The following AGAP1 variants were observed in gnomAD, a reference collection of about 807,000 sequenced individuals.
AGAP1 encodes the protein arf-GAP with GTPase, ANK repeat and PH domain-containing protein 1.
A neutral mutation model predicts 105.3 loss-of-function variants in AGAP1; 29 were observed. That is an observed-to-expected ratio of 0.28 (90% CI 0.21 to 0.38). The LOEUF is 0.38. Among genes scored for constraint, AGAP1 ranks in the 10% least tolerant of loss-of-function variants. The probability of loss-of-function intolerance (pLI) is 1.00; values close to 1 mark genes in which losing one functional copy is unlikely to be tolerated. For synonymous variants in AGAP1, 509 were observed against 485.9 expected, an observed-to-expected ratio of 1.05 and a Z score of -0.63; for missense variants, 998 against 1,165.1, an observed-to-expected ratio of 0.86 and a Z score of 2.09.
rs1311818740 is a variant in AGAP1, at chr2:236,080,388, G to A, written c.2114+31107G>A. Among the ~76,000 whole-genome samples, 1 of 152,230 alleles carries A rather than the reference G, an allele frequency of 6.6e-6. No homozygotes were observed. Among genetic ancestry groups the A allele is most frequent in the Non-Finnish European group, 1.5e-5 (1 of 68,050 alleles). On this transcript the variant is annotated intron_variant, in intron 16 of 17. Transcript: ENST00000304032. This position sits in a 1 kb window ranked among gnomAD's most constrained non-coding sequence, Gnocchi z 4.2. ...CTCAGTCTAGGAGGGACAGCTAGGAGGAAATAAGGACGTCAGTTTGCAACC... is the reference window on the plus strand; with the variant it reads ...CTCAGTCTAGGAGGGACAGCTAGGAAGAAATAAGGACGTCAGTTTGCAACC...
chr2:235,699,259 T>C (rs1950144063), intron 1 of AGAP1, among the ~76,000 whole-genome samples: 1 of 152,120 alleles, frequency 6.6e-6, no homozygotes, highest in Admixed American at 6.6e-5. Context: ...GGTCTAGGGC[T>C]TGGGGAGACC....
rs762355360 is a variant in AGAP1, at chr2:236,123,940, C to G, written c.2392C>G (p.Arg798Gly). The change falls in exon 18 of 18, where the codon CGA becomes GGA. Residue 798 changes from arginine to glycine, a missense_variant. Arg to Gly is a moderately radical substitution (Grantham distance 125). This residue lies in a region of AGAP1 where 235 missense variants were observed against 270.7 expected (regional missense o/e 0.87). Transcript: ENST00000304032. The surrounding 1 kb of genome is among the most constrained non-coding windows in gnomAD (Gnocchi z 4.6). ...LIWYGVDVTA[R>G]DAHGNTALAY... ...GCAGTACGGAGTGGACGTCACGGCC[C>G]GAGATGCCCACGGGAACACAGCTCT... The G allele has an allele frequency of 1.9e-6, 3 of 1,613,408 alleles. No individual in the cohort carries two copies. The highest frequency in any genetic ancestry group is 2.2e-5 in the East Asian group (1 of 44,872).
intron 1 of AGAP1, among the ~76,000 whole-genome samples, chr2:235,532,508 C>A (rs946330327): frequency 6.6e-6 from 1 of 152,168 alleles, no homozygotes; most frequent in Non-Finnish European, 1.5e-5. Context: ...ACCTGCCCTA[C>A]CTTTGTGTTT....
intron 1 of AGAP1, among the ~76,000 whole-genome samples, chr2:235,697,980 AC>A (rs1289633001): frequency 6.6e-6 from 1 of 152,216 alleles, no homozygotes; most frequent in African/African-American, 2.4e-5. Flanking sequence ...ATCTTTTAAT[AC>A]AGCAGTCTCC....
chr2:236,064,643 A>G (rs942665144), intron 16 of AGAP1, among the ~76,000 whole-genome samples: 11 of 152,110 alleles, frequency 7.2e-5, no homozygotes, highest in African/African-American at 2.7e-4. Flanking sequence ...GCTGAGGAGC[A>G]TGGAAAGAGC....
intron 1 of AGAP1, among the ~76,000 whole-genome samples, chr2:235,500,237 C>T (rs1397562908): frequency 1.3e-5 from 2 of 152,044 alleles, no homozygotes; most frequent in Admixed American, 6.5e-5. Flanking sequence ...AAATGGGTGA[C>T]AGCCTGTGTC....
rs1486491429 is a variant in AGAP1, at chr2:235,714,286, GATTACA to G, written c.223-3270_223-3265del. Among the ~76,000 whole-genome samples the G allele has an allele frequency of 1.6e-3, 247 of 152,200 alleles. No individual in the cohort carries two copies. The highest frequency in any genetic ancestry group is 5.7e-3 in the African/African-American group (237 of 41,532). On this transcript the variant is annotated intron_variant, in intron 2 of 17. Coordinates refer to ENST00000304032, the MANE Select transcript of AGAP1 (RefSeq NM_001037131.3). The surrounding 1 kb of genome is among the most constrained non-coding windows in gnomAD (Gnocchi z 4.1). ...CTGCCTCGGCCTCCCAAAGTGCTGG[GATTACA>G]GGCGTGAGCCACCATGCCCAGCCAG... is the stretch of plus-strand genomic sequence containing the variant.
intron 10 of AGAP1, among the ~76,000 whole-genome samples, chr2:235,898,292 T>C (rs891016926): frequency 4.6e-5 from 7 of 152,198 alleles, no homozygotes; most frequent in African/African-American, 1.7e-4. Flanking sequence ...CCTTTTGTTT[T>C]TCCCCCTTCT....
chr2:235,634,480 G>C (rs780610783), intron 1 of AGAP1, among the ~76,000 whole-genome samples: 1 of 152,182 alleles, frequency 6.6e-6, no homozygotes, highest in Non-Finnish European at 1.5e-5. Flanking sequence ...CTTAGAAGCT[G>C]TCCATCAAAA....
At position 235,889,606 on chromosome 2, in the gene AGAP1, G is replaced by A. The variant is rs957448455; in HGVS notation, c.1155+6157G>A. ...CAGTCCTTACATAGATTGTTTAGGA[G>A]ACCAGTAATCCCTAGTTCCTTTGAC... On this transcript the variant is annotated intron_variant, in intron 10 of 17. Transcript: ENST00000304032. The surrounding 1 kb of genome is among the most constrained non-coding windows in gnomAD (Gnocchi z 4.6). 1.3e-5 allele frequency among the ~76,000 whole-genome samples: 2 copies of A among 149,792 alleles called. No individual in the cohort carries two copies. Among genetic ancestry groups the A allele is most frequent in the Non-Finnish European group, 3.0e-5 (2 of 67,792 alleles).
intron 13 of AGAP1, among the ~76,000 whole-genome samples, chr2:236,028,316 G>T (rs548328341): frequency 1.2e-4 from 19 of 152,160 alleles, no homozygotes; most frequent in Non-Finnish European, 1.8e-4. Context: ...CCACCCTCAG[G>T]CTCTGGTTAA....
chr2:236,118,840 T>C (rs916911904), intron 16 of AGAP1, among the ~76,000 whole-genome samples: 1 of 152,100 alleles, frequency 6.6e-6, no homozygotes, highest in Non-Finnish European at 1.5e-5. Context: ...CCTACCTTTT[T>C]TTTTCCCCTC....
Position 235,721,382 on chromosome 2 carries a change from TAAC to T in AGAP1, c.310+3743_310+3745del, listed in dbSNP as rs924895011. Among the ~76,000 whole-genome samples the T allele has an allele frequency of 9.2e-5, 14 of 152,154 alleles. No homozygotes were observed. The highest frequency in any genetic ancestry group is 3.1e-4 in the African/African-American group (13 of 41,432). ...ATATTCTGTTTTTCAATTAGTGAATTAACAACACAAAAGTGGGTAACACCGTAG... is the reference window on the plus strand; with the variant it reads ...ATATTCTGTTTTTCAATTAGTGAATTAACACAAAAGTGGGTAACACCGTAG... On this transcript the variant is annotated intron_variant, in intron 3 of 17. Transcript: ENST00000304032. This position sits in a 1 kb window ranked among gnomAD's most constrained non-coding sequence, Gnocchi z 4.5.
rs1254043512 is a variant in AGAP1, at chr2:235,601,515, G to A, written c.163+106666G>A. Among the ~76,000 whole-genome samples, 1 of 152,184 alleles carries A rather than the reference G, an allele frequency of 6.6e-6. No individual in the cohort carries two copies. The highest frequency in any genetic ancestry group is 1.5e-5 in the Non-Finnish European group (1 of 68,038). On this transcript the variant is annotated intron_variant, in intron 1 of 17. Coordinates refer to ENST00000304032, the MANE Select transcript of AGAP1 (RefSeq NM_001037131.3). This position sits in a 1 kb window ranked among gnomAD's most constrained non-coding sequence, Gnocchi z 4.4. The stretch of plus-strand genomic sequence containing the variant: ...GGAGCAAAGTTACATCTAACATGGG[G>A]GCAGGCAAGAGAGCTTGCTCAGGCG...
At chr2:235,829,819 C>G (rs763521317) in intron 9 of AGAP1, among the ~76,000 whole-genome samples, 7 of 152,060 alleles carry the variant, frequency 4.6e-5, no homozygotes, top group Non-Finnish European at 7.4e-5. Context: ...GCTGCTTGGC[C>G]CTGGGGAGTT....
chr2:236,036,505 A>G lies in AGAP1; in HGVS notation c.1646-56A>G. The G allele has an allele frequency of 4.4e-6, 7 of 1,592,600 alleles. No individual in the cohort carries two copies. Among genetic ancestry groups the G allele is most frequent in the East Asian group, 4.5e-5 (2 of 44,820 alleles). On this transcript the variant is annotated intron_variant, in intron 13 of 17. Coordinates refer to ENST00000304032, the MANE Select transcript of AGAP1 (RefSeq NM_001037131.3). This position sits in a 1 kb window ranked among gnomAD's most constrained non-coding sequence, Gnocchi z 5.7. ...GGCGCTTCTGTGACAGAGGGCCCGC[A>G]GGGGGACTGCTGTCTCATAAAAGCT...
Position 236,073,013 on chromosome 2 carries a change from T to C in AGAP1, c.2114+23732T>C, listed in dbSNP as rs1029274705. Among the ~76,000 whole-genome samples, 1 of 152,114 alleles carries C rather than the reference T, an allele frequency of 6.6e-6. No homozygotes were observed. The highest frequency in any genetic ancestry group is 1.5e-5 in the Non-Finnish European group (1 of 68,018). ...AGATATTTATATTCTTTTTTTTTTTTTCCTAGACAGTCTCGCTGTGTCTCC... is the reference window on the plus strand; with the variant it reads ...AGATATTTATATTCTTTTTTTTTTTCTCCTAGACAGTCTCGCTGTGTCTCC... On this transcript the variant is annotated intron_variant, in intron 16 of 17. Coordinates refer to ENST00000304032, the MANE Select transcript of AGAP1 (RefSeq NM_001037131.3). This position sits in a 1 kb window ranked among gnomAD's most constrained non-coding sequence, Gnocchi z 5.4.
At chr2:235,670,925 G>T (rs780629881) in intron 1 of AGAP1, 11 of 1,329,422 alleles carry the variant, frequency 8.3e-6, no homozygotes, top group Non-Finnish European at 1.1e-5. Flanking sequence ...CGCGCGCAGG[G>T]ACGGGGGCCC....
At chr2:236,106,021 T>C (rs536439466) in intron 16 of AGAP1, among the ~76,000 whole-genome samples, 1 of 152,316 alleles carries the variant, frequency 6.6e-6, no homozygotes, top group South Asian at 2.1e-4. Context: ...CTTCAGCGAC[T>C]GACTTTCCGG....
Sources: gnomAD v4.1 joint callset for allele counts (sites outside exome capture counted in the v4.1 genomes callset) on GRCh38, gnomAD v4.1.1 for gene constraint, gnomAD v4.1.1 regional missense constraint, Gnocchi (gnomAD v3.1) non-coding constraint, MANE v1.5 for transcripts, NCBI Gene and HGNC (gene_info 2026-07-23, HGNC 2026-07-21) for gene names.